Variants in RHEB observed in about 807,000 individuals in gnomAD.
RHEB encodes GTP-binding protein Rheb.
Under a neutral mutation model 28.8 loss-of-function variants are expected in RHEB, and 2 were observed. The observed-to-expected ratio is 0.07, with a 90% CI of 0.03 to 0.22. RHEB has a LOEUF of 0.22. Ranked by LOEUF, RHEB falls within the 10% of genes least tolerant of loss-of-function variation. RHEB has a pLI of 1.00. For synonymous variants in RHEB, 69 were observed against 77.3 expected (o/e 0.89, Z 0.56); for missense variants, 76 against 219.9 (o/e 0.35, Z 4.14).
chr7:151,512,649 C>T (rs1402053109), intron 1 of RHEB, among the ~76,000 whole-genome samples: 1 of 152,174 alleles, frequency 6.6e-6, no homozygotes, highest in African/African-American at 2.4e-5. Context: ...GCTACAGGGC[C>T]TCTCCTAGGA....
intron 7 of RHEB, among the ~76,000 whole-genome samples, chr7:151,469,472 G>A (rs1053539577): frequency 6.6e-6 from 1 of 151,958 alleles, no homozygotes; most frequent in African/African-American, 2.4e-5. Context: ...GCGGAGAGGG[G>A]CGGGGCAGGG....
intron 4 of RHEB, among the ~76,000 whole-genome samples, chr7:151,476,871 C>A (rs1013102835): frequency 1.1e-4 from 16 of 152,184 alleles, no homozygotes; most frequent in African/African-American, 3.9e-4. Flanking sequence ...GATATCCATT[C>A]TTATTAATAA....
chr7:151,499,572 T>C (rs1324958423), intron 1 of RHEB, among the ~76,000 whole-genome samples: 1 of 152,234 alleles, frequency 6.6e-6, no homozygotes, highest in Non-Finnish European at 1.5e-5. Flanking sequence ...ACCCATCACA[T>C]ACATATTCAG....
rs188055543 is a variant in RHEB at position 151,506,595 on chromosome 7, C to T, written c.52+12865G>A. The stretch of plus-strand genomic sequence containing the variant: ...TAACTGCTCTTAGGCAGAAATAATC[C>T]GCTTAGGATAAAAAAAGTATTTTCG... On this transcript the variant is annotated intron_variant, in intron 1 of 7. Transcript: ENST00000262187. 4.2e-3 allele frequency among the ~76,000 whole-genome samples: 633 copies of T among 152,036 alleles called. 2 individuals are homozygous for T. Among genetic ancestry groups the T allele is most frequent in the Non-Finnish European group, 7.8e-3 (533 of 67,996 alleles).
chr7:151,471,427 A>G lies in RHEB; in HGVS notation c.347T>C (p.Leu116Ser), dbSNP rs556268622. The G allele has an allele frequency of 6.3e-7, 1 of 1,584,198 alleles. No individual in the cohort carries two copies. Among genetic ancestry groups the G allele is most frequent in the Admixed American group, 1.7e-5 (1 of 59,584 alleles). ...MVGKVQIPIM[L>S]VGNKKDLHME... ...ATGCAGGTCTTTCTTATTCCCAACC[A>G]ACATAATAGGTATTCTATTTGTAAG... The change falls in exon 6 of 8, where the codon TTG becomes TCG. Residue 116 changes from leucine to serine, a missense_variant. Physicochemically the swap from Leu to Ser is moderately radical, Grantham distance 145. Coordinates refer to ENST00000262187, the MANE Select transcript of RHEB (RefSeq NM_005614.4).
intron 4 of RHEB, among the ~76,000 whole-genome samples, chr7:151,475,085 A>G (rs948938819): frequency 6.6e-6 from 1 of 152,230 alleles, no homozygotes; most frequent in Non-Finnish European, 1.5e-5. Context: ...GAGAAGACAC[A>G]GTACCAAGCT....
Position 151,476,116 on chromosome 7 carries a change from T to C in RHEB, c.275+1217A>G, listed in dbSNP as rs1802267419. Among the ~76,000 whole-genome samples, 5 of 152,212 alleles carry C rather than the reference T, an allele frequency of 3.3e-5. No homozygotes were observed. The South Asian group carries it at 1.0e-3, about 32-fold the overall frequency. The stretch of plus-strand genomic sequence containing the variant: ...GGGGATTGACAGTATGGGGTCTGTT[T>C]ATAAGAATGGCCGAGAATGGTACTC... On this transcript the variant is annotated intron_variant, in intron 4 of 7. Transcript: ENST00000262187.
chr7:151,519,507 G>A lies in RHEB; in HGVS notation c.5C>T (p.Pro2Leu). The A allele has an allele frequency of 6.4e-7, 1 of 1,554,346 alleles. No individual in the cohort carries two copies. The highest frequency in any genetic ancestry group is 8.7e-7 in the Non-Finnish European group (1 of 1,151,710). Residue 2 changes from proline (P) to leucine (L), a missense_variant, in exon 1 of 8, where the codon CCG (proline) becomes CTG (leucine). Coordinates refer to ENST00000262187, the MANE Select transcript of RHEB (RefSeq NM_005614.4). The stretch of plus-strand genomic sequence containing the variant: ...CGCGATCTTCCGGGACTTGGACTGC[G>A]GCATCTTGGCGGCCTCCTCAGCCCC... M[P>L]QSKSRKIAIL...
At chr7:151,483,892 CT>C (rs1433033607) in intron 3 of RHEB, among the ~76,000 whole-genome samples, 1 of 152,220 alleles carries the variant, frequency 6.6e-6, no homozygotes, top group Non-Finnish European at 1.5e-5. Flanking sequence ...TCATGTACTC[CT>C]TTCCCCCTTG....
chr7:151,471,289 G>A (rs1377759808), intron 6 of RHEB, 105 bp downstream of exon 6: 5 of 818,976 alleles, frequency 6.1e-6, no homozygotes, highest in Non-Finnish European at 1.0e-5. Context: ...CCTCTGAACG[G>A]ATAAAAATGC....
chr7:151,503,079 C>T (rs1399299922), intron 1 of RHEB: 11 of 798,356 alleles, frequency 1.4e-5, no homozygotes, highest in Non-Finnish European at 2.3e-5. Context: ...GTTGAAGATA[C>T]ACTAAAGACT....
chr7:151,503,146 A>G (rs778586494), intron 1 of RHEB: 5 of 795,176 alleles, frequency 6.3e-6, no homozygotes, highest in Non-Finnish European at 1.2e-5. Context: ...ATATAATGAG[A>G]TATGTTCTTT....
intron 3 of RHEB, among the ~76,000 whole-genome samples, chr7:151,481,927 A>G (rs1802387049): frequency 6.6e-6 from 1 of 152,228 alleles, no homozygotes; most frequent in South Asian, 2.1e-4. Context: ...AAATTGTTTG[A>G]TACCTGAGTG....
chr7:151,479,664 T>C (rs6943956), intron 3 of RHEB, among the ~76,000 whole-genome samples: 5,464 of 130,136 alleles, frequency 0.042, 189 homozygotes, highest in Admixed American at 0.1. Flanking sequence ...GCCTGGGCGA[T>C]AGAGCGAGAC....
Position 151,500,138 on chromosome 7 carries a change from C to T in RHEB, c.53-9124G>A, listed in dbSNP as rs1479368733. ...TTTAAAAAAACATGCTGAAGATTTA[C>T]TTTCAAAAGCCACTAAGGGTTTTCC... On this transcript the variant is annotated intron_variant, in intron 1 of 7. Transcript: ENST00000262187. 2.0e-5 allele frequency among the ~76,000 whole-genome samples: 3 copies of T among 152,284 alleles called. 1 individual carries two copies. The highest frequency in any genetic ancestry group is 4.1e-4 in the South Asian group (2 of 4,828).
At chr7:151,483,277 G>A (rs78729454) in intron 3 of RHEB, among the ~76,000 whole-genome samples, 4,660 of 152,308 alleles carry the variant, frequency 0.031, 99 homozygotes, top group Middle Eastern at 0.071. Flanking sequence ...GCAAAGCAGA[G>A]GGAATTCATT....
At chr7:151,515,666 T>C (rs1401939229) in intron 1 of RHEB, among the ~76,000 whole-genome samples, 1 of 152,186 alleles carries the variant, frequency 6.6e-6, no homozygotes. Context: ...AATTTTTCAA[T>C]AAAAAGTGTC....
intron 2 of RHEB, among the ~76,000 whole-genome samples, chr7:151,488,308 A>G (rs1395166874): frequency 6.6e-6 from 1 of 152,254 alleles, no homozygotes; most frequent in African/African-American, 2.4e-5. Flanking sequence ...AAGATGACAC[A>G]GTCCCAGAAT....
At chr7:151,483,777 A>G (rs1019457873) in intron 3 of RHEB, among the ~76,000 whole-genome samples, 36 of 152,312 alleles carry the variant, frequency 2.4e-4, no homozygotes, top group Non-Finnish European at 4.6e-4. Context: ...CTCACCCTCC[A>G]GTGAAGAAGG....
Sources: allele counts gnomAD v4.1 joint callset (sites outside exome capture counted in the v4.1 genomes callset), GRCh38; gene constraint gnomAD v4.1.1; transcripts MANE v1.5; gene names NCBI Gene and HGNC (gene_info 2026-07-23, HGNC 2026-07-21).